OGDH: variants seen among roughly 807,000 people sequenced by gnomAD.
The protein encoded by OGDH is 2-oxoglutarate dehydrogenase complex component E1.
Under a neutral mutation model 116.6 loss-of-function variants are expected in OGDH, and 38 were observed. The observed-to-expected ratio is 0.33, with a 90% CI of 0.25 to 0.43. The LOEUF (loss-of-function observed/expected upper bound fraction) is 0.43. OGDH is among the 20% of genes least tolerant of loss of function. OGDH has a pLI of 1.00. For missense variants in OGDH, 825 were observed against 1,357.2 expected (o/e 0.61, Z 6.16); for synonymous variants, 488 against 533.3 (o/e 0.92, Z 1.17).
At chr7:44,702,694 G>A (rs573418226) in intron 20 of OGDH, among the ~76,000 whole-genome samples, 32 of 152,202 alleles carry the variant, frequency 2.1e-4, no homozygotes, top group Admixed American at 8.5e-4. Flanking sequence ...CCGGGTTCAC[G>A]CCATTCTCCC....
Position 44,701,548 on chromosome 7 carries a change from T to C in OGDH, c.2565T>C (p.Ile855=), listed in dbSNP as rs769639737. ...QILLPFRKPL[I]IFTPKSLLRH... ...CCTATTGTTCTGTATTTCAGTTAAT[T>C]ATCTTCACCCCCAAATCCCTGTTGC... Residue 855 remains isoleucine, a synonymous_variant, in exon 20 of 23, where the codon ATT becomes ATC. Transcript: ENST00000222673. 1.2e-6 allele frequency: 2 copies of C among 1,614,012 alleles called. No homozygotes were observed. The highest frequency in any genetic ancestry group is 1.7e-6 in the Non-Finnish European group (2 of 1,179,910).
At chr7:44,669,374 A>G (rs767863996) in intron 5 of OGDH, among the ~76,000 whole-genome samples, 9 of 150,066 alleles carry the variant, frequency 6.0e-5, no homozygotes, top group Non-Finnish European at 7.4e-5. Flanking sequence ...CTGATCTTGA[A>G]CTCCTGGAGT....
chr7:44,640,444 T>TTTTTG (rs554867311), intron 2 of OGDH, among the ~76,000 whole-genome samples: 3 of 152,142 alleles, frequency 2.0e-5, no homozygotes, highest in Admixed American at 1.3e-4. Context: ...TGGTGGGTTT[T>TTTTTG]TTTTGTTTTG....
intron 4 of OGDH, among the ~76,000 whole-genome samples, chr7:44,663,162 G>A (rs1314081063): frequency 4.6e-5 from 7 of 151,980 alleles, no homozygotes; most frequent in Admixed American, 2.6e-4. Flanking sequence ...CTGTTGTTCC[G>A]TCTTCAAATA....
chr7:44,623,179 G>A (rs1410017576), intron 1 of OGDH, among the ~76,000 whole-genome samples: 1 of 152,158 alleles, frequency 6.6e-6, no homozygotes, highest in Non-Finnish European at 1.5e-5. Flanking sequence ...AGTACCATGA[G>A]ATTCTGGCTC....
At chr7:44,622,873 A>G (rs1351091279) in intron 1 of OGDH, 2 of 152,118 alleles carry the variant, frequency 1.3e-5, no homozygotes, top group Non-Finnish European at 2.9e-5. Flanking sequence ...CCTTGGATGA[A>G]ATGTAAGGGA....
chr7:44,666,293 T>C lies in OGDH; in HGVS notation c.518-443T>C, dbSNP rs79894045. Among the ~76,000 whole-genome samples, 945 of 152,362 alleles carry C rather than the reference T, an allele frequency of 6.2e-3. 5 individuals carry two copies. The highest frequency in any genetic ancestry group is 0.01 in the Non-Finnish European group (713 of 68,036). On this transcript the variant is annotated intron_variant, in intron 4 of 22. Coordinates refer to ENST00000222673, the MANE Select transcript of OGDH (RefSeq NM_002541.4). ...TCACCACATACATATATTATTGTCA[T>C]ATGATCTGTTCTTCTATATCAGTTC...
chr7:44,689,597 G>A (rs1329139494), intron 10 of OGDH, among the ~76,000 whole-genome samples: 3 of 151,496 alleles, frequency 2.0e-5, no homozygotes, highest in Admixed American at 6.6e-5. Context: ...TTTTATTCTA[G>A]CCATCCTAGA....
rs572010984 is a variant in OGDH, at chr7:44,635,127, C to T, written c.223-10200C>T. Among the ~76,000 whole-genome samples the T allele has an allele frequency of 3.9e-5, 6 of 152,260 alleles. No homozygotes were observed. The East Asian group carries it at 7.7e-4, about 20-fold the overall frequency. On this transcript the variant is annotated intron_variant, in intron 2 of 22. Transcript: ENST00000222673. ...ATGAGTTGTTGGTCTACACTGAGGC[C>T]GGGATGGGAGGCCTGCCCCTTACAG...
At chr7:44,660,700 G>A (rs1371470507) in intron 4 of OGDH, among the ~76,000 whole-genome samples, 1 of 152,120 alleles carries the variant, frequency 6.6e-6, no homozygotes, top group Non-Finnish European at 1.5e-5. Flanking sequence ...AGACCAAGAT[G>A]GGAGGATCAC....
At chr7:44,686,313 AG>A (rs1788123898) in intron 10 of OGDH, among the ~76,000 whole-genome samples, 1 of 152,200 alleles carries the variant, frequency 6.6e-6, no homozygotes, top group Admixed American at 6.5e-5. Context: ...TACCATGGCT[AG>A]GGGAGTTCCC....
At chr7:44,636,959 G>A (rs1237010020) in intron 2 of OGDH, among the ~76,000 whole-genome samples, 2 of 152,112 alleles carry the variant, frequency 1.3e-5, no homozygotes, top group South Asian at 2.1e-4. Context: ...CCCTGCCTGC[G>A]AACCACCCCT....
At chr7:44,623,089 G>A (rs1462459993) in intron 1 of OGDH, among the ~76,000 whole-genome samples, 2 of 152,120 alleles carry the variant, frequency 1.3e-5, no homozygotes, top group Non-Finnish European at 2.9e-5. Flanking sequence ...GGCTCCCCAT[G>A]GCTTATGAAA....
At chr7:44,668,880 T>C (rs1787301112) in intron 5 of OGDH, among the ~76,000 whole-genome samples, 1 of 152,216 alleles carries the variant, frequency 6.6e-6, no homozygotes, top group Non-Finnish European at 1.5e-5. Context: ...AAAAACAAAT[T>C]ACATATGTGG....
chr7:44,699,339 C>G lies in OGDH; in HGVS notation c.2431-802C>G, dbSNP rs574563126. Among the ~76,000 whole-genome samples, 4 of 144,288 alleles carry G rather than the reference C, an allele frequency of 2.8e-5. No homozygotes were observed. The East Asian group carries it at 8.8e-4, about 32-fold the overall frequency. 94.7% of individuals were successfully genotyped at this position (144,288 alleles called of 152,430 possible). A position where few individuals can be genotyped will look rare whatever the true frequency, so the allele number is the denominator to read the frequency against. On this transcript the variant is annotated intron_variant, in intron 18 of 22. Transcript: ENST00000222673. ...TACTCAGGAGGCTGAGGCAGAGAAT[C>G]GCTTGAACCCGGGAGGTGGAGGTTG...
chr7:44,644,583 T>C (rs1786087629), intron 2 of OGDH, among the ~76,000 whole-genome samples: 1 of 152,204 alleles, frequency 6.6e-6, no homozygotes, highest in Non-Finnish European at 1.5e-5. Flanking sequence ...GAAAGGTAAC[T>C]CACTAAGAGC....
At chr7:44,652,935 T>C (rs900694528) in intron 4 of OGDH, among the ~76,000 whole-genome samples, 18 of 152,110 alleles carry the variant, frequency 1.2e-4, no homozygotes, top group African/African-American at 4.3e-4. Context: ...ACGGTAGATA[T>C]GGGTGTATAT....
rs1455261923 is a variant in OGDH at position 44,708,315 on chromosome 7, A to T, written c.*316A>T. The T allele has an allele frequency of 3.5e-6, 1 of 286,608 alleles. No homozygotes were observed. Among genetic ancestry groups the T allele is most frequent in the African/African-American group, 2.2e-5 (1 of 45,528 alleles). 17.8% of individuals were successfully genotyped at this position (286,608 alleles called of 1,614,324 possible). A position where few individuals can be genotyped will look rare whatever the true frequency, so the allele number is the denominator to read the frequency against. ...AGCTCTGGCCACAATCCTCCCCACC[A>T]GTCTCACCCACTAGGATAGGAACTG... On this transcript the variant is annotated 3_prime_UTR_variant, in exon 23 of 23. Transcript: ENST00000222673.
intron 1 of OGDH, among the ~76,000 whole-genome samples, chr7:44,612,177 C>CT (rs1392611715): frequency 6.6e-6 from 1 of 152,096 alleles, no homozygotes; most frequent in Non-Finnish European, 1.5e-5. Flanking sequence ...CATTGAATTG[C>CT]TTTTGCACTT....
Sources: gnomAD v4.1 joint callset for allele counts (sites outside exome capture counted in the v4.1 genomes callset) on GRCh38, gnomAD v4.1.1 for gene constraint, MANE v1.5 for transcripts, NCBI Gene and HGNC (gene_info 2026-07-23, HGNC 2026-07-21) for gene names.